The following WBP1L variants were observed in gnomAD, a reference collection of about 807,000 sequenced individuals.
WBP1L encodes the protein WW domain binding protein 1-like.
WBP1L carries 17 observed loss-of-function variants against 33.7 expected under a neutral mutation model. The ratio of observed to expected loss-of-function variants is 0.50; its 90% CI spans 0.34 to 0.76. The LOEUF is 0.76. WBP1L is among the 30% of genes least tolerant of loss of function. The probability of loss-of-function intolerance (pLI) is 0.01; values close to 1 mark genes in which losing one functional copy is unlikely to be tolerated. For missense variants in WBP1L, 389 were observed against 469.4 expected (o/e 0.83, Z 1.58); for synonymous variants, 173 against 190.8 (o/e 0.91, Z 0.77).
At chr10:102,805,440 A>G (rs967798642) in intron 2 of WBP1L, among the ~76,000 whole-genome samples, 1 of 149,384 alleles carries the variant, frequency 6.7e-6, no homozygotes, top group African/African-American at 2.4e-5. Flanking sequence ...GATGCTGGCT[A>G]TCTTTTTTTT....
At chr10:102,761,972 C>G (rs1306721137) in intron 1 of WBP1L, among the ~76,000 whole-genome samples, 1 of 152,150 alleles carries the variant, frequency 6.6e-6, no homozygotes, top group Non-Finnish European at 1.5e-5. Flanking sequence ...CTTAACCTCT[C>G]CAGTAGCTGG....
chr10:102,811,412 C>A (rs1199867946), intron 3 of WBP1L, among the ~76,000 whole-genome samples: 1 of 152,094 alleles, frequency 6.6e-6, no homozygotes, highest in African/African-American at 2.4e-5. Flanking sequence ...TACATGTGAC[C>A]TCTCATATGG....
At chr10:102,781,274 A>AG (rs1277092690) in intron 1 of WBP1L, among the ~76,000 whole-genome samples, 1 of 152,132 alleles carries the variant, frequency 6.6e-6, no homozygotes, top group Non-Finnish European at 1.5e-5. Flanking sequence ...TGGAGAGGGA[A>AG]GGGGGGGAAT....
In WBP1L at chr10:102,755,332, C is replaced by T. The variant is rs369967374; in HGVS notation, c.90+11189C>T. Among the ~76,000 whole-genome samples, 103 of 152,128 alleles carry T rather than the reference C, an allele frequency of 6.8e-4. 1 individual carries two copies. In the South Asian group the frequency reaches 0.019, roughly 28 times the overall value. ...GATTCCCAGGCATAGTCATAGTGCA[C>T]GGCAGCTTTGAATCCCTGGCCTCAA... On this transcript the variant is annotated intron_variant, in intron 1 of 3. Coordinates refer to ENST00000448841, the MANE Select transcript of WBP1L (RefSeq NM_001083913.2).
rs140909662 is a variant in WBP1L at position 102,748,554 on chromosome 10, C to A, written c.90+4411C>A. Among the ~76,000 whole-genome samples, 393 of 152,310 alleles carry A rather than the reference C, an allele frequency of 2.6e-3. 1 individual carries two copies. The highest frequency in any genetic ancestry group is 8.8e-3 in the African/African-American group (366 of 41,570). On this transcript the variant is annotated intron_variant, in intron 1 of 3. Transcript: ENST00000448841. ...CGTTTGATGTACCAAAGTGTAAAAT[C>A]AGCACCTTGAGTTTCTGCAAACTCT...
At position 102,762,876 on chromosome 10, in the gene WBP1L, G is replaced by A. The variant is rs894609136; in HGVS notation, c.90+18733G>A. 1.1e-4 allele frequency among the ~76,000 whole-genome samples: 16 copies of A among 152,122 alleles called. 1 individual carries two copies. In the East Asian group the frequency reaches 3.1e-3, roughly 29 times the overall value. On this transcript the variant is annotated intron_variant, in intron 1 of 3. Transcript: ENST00000448841. ...CAGTACTGGGGGTTTCAGGGCAGGT[G>A]AGCAAGGCTGCTGAGGGAGAAATGG...
chr10:102,793,254 A>C (rs1439716348), intron 1 of WBP1L, among the ~76,000 whole-genome samples: 3 of 152,158 alleles, frequency 2.0e-5, no homozygotes, highest in African/African-American at 7.2e-5. Flanking sequence ...CTGCCTGAGC[A>C]ACATAGTGAG....
chr10:102,744,147 AGGGGGAG>A lies in WBP1L; in HGVS notation c.90+9_90+15del. On this transcript the variant is annotated splice_donor_5th_base_variant and intron_variant, in intron 1 of 3. Transcript: ENST00000448841. ...AGCCAGGGCTGAACCCCCGCAGGTA[AGGGGGAG>A]GGGGCGTCTGGGCCATGTTGGGTCC... 6.5e-7 allele frequency: 1 copy of A among 1,546,048 alleles called. No homozygotes were observed. Among genetic ancestry groups the A allele is most frequent in the South Asian group, 1.2e-5 (1 of 83,708 alleles).
chr10:102,757,569 C>CTTTTTTTTTTTTTTTT (rs60213859), intron 1 of WBP1L, among the ~76,000 whole-genome samples: 8 of 88,810 alleles, frequency 9.0e-5, no homozygotes, highest in East Asian at 4.4e-4. Flanking sequence ...GTTTCTGAGC[C>CTTTTTTTTTTTTTTTT]TTTTTTTTTT....
At chr10:102,770,992 A>C (rs1002449852) in intron 1 of WBP1L, among the ~76,000 whole-genome samples, 1 of 151,938 alleles carries the variant, frequency 6.6e-6, no homozygotes, top group African/African-American at 2.4e-5. Context: ...AGTTACATAA[A>C]CCCCATTTGC....
chr10:102,810,974 C>T (rs986596017), intron 3 of WBP1L, among the ~76,000 whole-genome samples: 2 of 151,054 alleles, frequency 1.3e-5, no homozygotes, highest in Non-Finnish European at 2.9e-5. Flanking sequence ...TCTTCCCTCC[C>T]TCCCTTCATT....
chr10:102,791,540 T>G (rs1189762365), intron 1 of WBP1L, among the ~76,000 whole-genome samples: 1 of 152,196 alleles, frequency 6.6e-6, no homozygotes, highest in Non-Finnish European at 1.5e-5. Flanking sequence ...GGCTCACACC[T>G]GTAATCCCAG....
intron 1 of WBP1L, among the ~76,000 whole-genome samples, chr10:102,750,970 G>A (rs1309200903): frequency 2.0e-5 from 3 of 152,000 alleles, no homozygotes. Context: ...ACACTATGTG[G>A]TCTTTTGTGG....
At position 102,761,444 on chromosome 10, in the gene WBP1L, A is replaced by T. The variant is rs1346063950; in HGVS notation, c.90+17301A>T. On this transcript the variant is annotated intron_variant, in intron 1 of 3. Coordinates refer to ENST00000448841, the MANE Select transcript of WBP1L (RefSeq NM_001083913.2). ...CGTGAGCCACTACACTCAGCCTTAAATTTTTTTATGTTTAATTTTTTCTTT... is the reference window on the plus strand; with the variant it reads ...CGTGAGCCACTACACTCAGCCTTAATTTTTTTTATGTTTAATTTTTTCTTT... Among the ~76,000 whole-genome samples, 4 of 144,952 alleles carry T rather than the reference A, an allele frequency of 2.8e-5. No homozygotes were observed. The Admixed American group carries it at 2.8e-4, about 10-fold the overall frequency.
chr10:102,753,103 T>C (rs1021106978), intron 1 of WBP1L, among the ~76,000 whole-genome samples: 1 of 152,196 alleles, frequency 6.6e-6, no homozygotes, highest in African/African-American at 2.4e-5. Context: ...TCCTTGCTCC[T>C]ACTACCCCAT....
chr10:102,767,853 T>G (rs1843131456), intron 1 of WBP1L, among the ~76,000 whole-genome samples: 1 of 152,176 alleles, frequency 6.6e-6, no homozygotes, highest in African/African-American at 2.4e-5. Flanking sequence ...AAAGAAAAAC[T>G]GTGCTGGTCA....
chr10:102,748,556 G>A (rs1842891743), intron 1 of WBP1L, among the ~76,000 whole-genome samples: 1 of 152,204 alleles, frequency 6.6e-6, no homozygotes, highest in Admixed American at 6.5e-5. Context: ...TGTAAAATCA[G>A]CACCTTGAGT....
chr10:102,759,325 T>C (rs1427244163), intron 1 of WBP1L, among the ~76,000 whole-genome samples: 1 of 152,236 alleles, frequency 6.6e-6, no homozygotes, highest in African/African-American at 2.4e-5. Context: ...TACCTGCCGG[T>C]TATTCCTAGG....
intron 1 of WBP1L, among the ~76,000 whole-genome samples, chr10:102,764,790 A>G (rs1276244673): frequency 6.6e-6 from 1 of 152,228 alleles, no homozygotes; most frequent in Non-Finnish European, 1.5e-5. Flanking sequence ...TGATTTATGT[A>G]AGATCCAGGA....
Sources: allele counts gnomAD v4.1 joint callset (sites outside exome capture counted in the v4.1 genomes callset), GRCh38; gene constraint gnomAD v4.1.1; transcripts MANE v1.5; gene names NCBI Gene and HGNC (gene_info 2026-07-23, HGNC 2026-07-21).